The following RASGRP2 variants were observed in gnomAD, a reference collection of about 807,000 sequenced individuals.
The protein encoded by RASGRP2 is RAS guanyl-releasing protein 2.
Under a neutral mutation model 71.0 loss-of-function variants are expected in RASGRP2, and 44 were observed. The ratio of observed to expected loss-of-function variants is 0.62; its 90% CI spans 0.49 to 0.80. The LOEUF is 0.80. Among genes scored for constraint, RASGRP2 ranks in the 30% least tolerant of loss-of-function variants. RASGRP2 has a pLI of 0.00. For synonymous variants in RASGRP2, 350 were observed against 330.7 expected (o/e 1.06, Z -0.63); for missense variants, 663 against 813.4 (o/e 0.82, Z 2.25).
chr11:64,742,460 C>A lies in RASGRP2; in HGVS notation c.73+334G>T. On this transcript the variant is annotated intron_variant, in intron 2 of 16. Transcript: ENST00000394432. This position sits in a 1 kb window ranked among gnomAD's most constrained non-coding sequence, Gnocchi z 4.7. The stretch of plus-strand genomic sequence containing the variant: ...GGCACCCCTTCACCAGATAAGCCGC[C>A]CCCCATTAGCCGGAAACAGCTCCCA... 1.8e-6 allele frequency: 1 copy of A among 562,488 alleles called. No homozygotes were observed. The highest frequency in any genetic ancestry group is 3.0e-5 in the East Asian group (1 of 32,912). The allele number at this position is 562,488 out of a possible 1,614,324, so 34.8% of individuals were successfully genotyped here. A position where few individuals can be genotyped will look rare whatever the true frequency, so the allele number is the denominator to read the frequency against.
At chr11:64,738,073 T>C (rs2058005818) in intron 8 of RASGRP2, among the ~76,000 whole-genome samples, 1 of 151,808 alleles carries the variant, frequency 6.6e-6, no homozygotes, top group Non-Finnish European at 1.5e-5. Flanking sequence ...TGAATTGGGG[T>C]AGACGTACAA....
chr11:64,727,426 T>C, intron 15 of RASGRP2, 66 bp from the exon 16 acceptor site: 1 of 1,484,506 alleles, frequency 6.7e-7, no homozygotes, highest in East Asian at 2.3e-5. Context: ...ACCCTTCCCC[T>C]CTCCACGGGA....
At position 64,735,994 on chromosome 11, in the gene RASGRP2, A is replaced by C. The variant is rs1325355920; in HGVS notation, c.1096-14T>G. On this transcript the variant is annotated splice_polypyrimidine_tract_variant and intron_variant, in intron 9 of 16. Transcript: ENST00000394432. The surrounding 1 kb of genome is among the most constrained non-coding windows in gnomAD (Gnocchi z 4.2). ...ATCCAGAGACACCTGGGACACACAG[A>C]TCTGATCACCCCCACTGGCCCCTGC... 2 of 1,612,188 alleles carry C rather than the reference A, an allele frequency of 1.2e-6. No homozygotes were observed. Among genetic ancestry groups the C allele is most frequent in the Admixed American group, 3.3e-5 (2 of 59,958 alleles).
rs3725 is a variant in RASGRP2, at chr11:64,727,009, C to A, written c.*129G>T. 1 of 436,518 alleles carries A rather than the reference C, an allele frequency of 2.3e-6. No individual in the cohort carries two copies. Among genetic ancestry groups the A allele is most frequent in the Admixed American group, 3.4e-5 (1 of 29,038 alleles). The allele number at this position is 436,518 out of a possible 1,614,324, so 27.0% of individuals were successfully genotyped here. On this transcript the variant is annotated 3_prime_UTR_variant, in exon 17 of 17. Transcript: ENST00000394432. ...GGGACACCAGCCCTGGCCCTGCCCT[C>A]AGCTGCATGCCACCCTCATATCCCA...
rs551099201 is a variant in RASGRP2, at chr11:64,739,823, G to A, written c.523-14C>T. 5.0e-6 allele frequency: 8 copies of A among 1,613,446 alleles called. No individual in the cohort carries two copies. In the South Asian group the frequency reaches 7.7e-5, roughly 16 times the overall value. ...ATAGTCCTGAAACTGGGGGCATGAG[G>A]AGTGGCCTCAGCACCTTGCTGGCCT... On this transcript the variant is annotated splice_polypyrimidine_tract_variant and intron_variant, in intron 6 of 16. Transcript: ENST00000394432. The surrounding 1 kb of genome is among the most constrained non-coding windows in gnomAD (Gnocchi z 4.2).
Position 64,740,165 on chromosome 11 carries a change from T to TG in RASGRP2, c.372-3dup, listed in dbSNP as rs780634022. The stretch of plus-strand genomic sequence containing the variant: ...TGCCGCTTCCACTTGTAGGTAGGGC[T>TG]GGGGGGGCAGGGGTAGTGAGCCCTT... On this transcript the variant is annotated splice_region_variant and splice_polypyrimidine_tract_variant and intron_variant, in intron 5 of 16. Transcript: ENST00000394432. 4.5e-5 allele frequency: 72 copies of TG among 1,613,546 alleles called. No homozygotes were observed. The highest frequency in any genetic ancestry group is 4.2e-4 in the South Asian group (38 of 91,050).
chr11:64,741,816 G>A (rs1202193347), intron 3 of RASGRP2, among the ~76,000 whole-genome samples, 194 bp downstream of exon 3: 1 of 152,174 alleles, frequency 6.6e-6, no homozygotes, highest in African/African-American at 2.4e-5. Context: ...ACAGAGCCTG[G>A]GGACAGGACC....
upstream of RASGRP2, chr11:64,744,173 A>C: frequency 2.0e-6 from 2 of 986,226 alleles, no homozygotes; most frequent in Non-Finnish European, 2.4e-6. Flanking sequence ...TCCCACACAC[A>C]TGCACACACC....
At chr11:64,732,240 G>A (rs976222277) in intron 12 of RASGRP2, among the ~76,000 whole-genome samples, 1 of 152,264 alleles carries the variant, frequency 6.6e-6, no homozygotes, top group Non-Finnish European at 1.5e-5. Context: ...TTTAGGCCGG[G>A]TGCACAGTGG....
Position 64,735,903 on chromosome 11 carries a change from C to T in RASGRP2, c.1173G>A (p.Ser391=), listed in dbSNP as rs1197370008. The stretch of plus-strand genomic sequence containing the variant: ...TGGAGAGGAGGGAGTACCCCCTCAC[C>T]GAGGACTTGGAGCGCGGCTCCCGCT... The part of the protein sequence containing the change: ...SLQREPRSKS[S]PTSPTSCTPP... Residue 391 remains serine, a splice_region_variant and synonymous_variant, in exon 10 of 17, where the codon TCG becomes TCA. Coordinates refer to ENST00000394432, the MANE Select transcript of RASGRP2 (RefSeq NM_001098671.2). This position sits in a 1 kb window ranked among gnomAD's most constrained non-coding sequence, Gnocchi z 4.2. The T allele has an allele frequency of 9.9e-6, 16 of 1,613,492 alleles. No homozygotes were observed. Among genetic ancestry groups the T allele is most frequent in the South Asian group, 4.4e-5 (4 of 90,982 alleles).
In RASGRP2 at chr11:64,728,934, ATGGGTG is replaced by A; in HGVS notation, c.1694_1699del (p.Ser565_Met567delinsLeu). On this transcript the variant is annotated inframe_deletion, in exon 15 of 17. Coordinates refer to ENST00000394432, the MANE Select transcript of RASGRP2 (RefSeq NM_001098671.2). ...GAAGGCGCGGTGATGGTGGCTGTGC[ATGGGTG>A]AGGGTGAGGGTGCAGACCCCTCCAG... 1 of 1,613,118 alleles carries A rather than the reference ATGGGTG, an allele frequency of 6.2e-7. No homozygotes were observed. The highest frequency in any genetic ancestry group is 8.5e-7 in the Non-Finnish European group (1 of 1,179,946).
At position 64,735,916 on chromosome 11, in the gene RASGRP2, C is replaced by T. The variant is rs1431038254; in HGVS notation, c.1160G>A (p.Arg387His). Reference protein sequence around the residue: ...LYQLSLQREPRSKSSPTSPTS... With the variant: ...LYQLSLQREPHSKSSPTSPTS... ...GTACCCCCTCACCGAGGACTTGGAGCGCGGCTCCCGCTGCAGGGACAGCTG... is the reference window on the plus strand; with the variant it reads ...GTACCCCCTCACCGAGGACTTGGAGTGCGGCTCCCGCTGCAGGGACAGCTG... Residue 387 changes from arginine (R) to histidine (H), a missense_variant, in exon 10 of 17, where the codon CGC (arginine) becomes CAC (histidine). Coordinates refer to ENST00000394432, the MANE Select transcript of RASGRP2 (RefSeq NM_001098671.2). This position sits in a 1 kb window ranked among gnomAD's most constrained non-coding sequence, Gnocchi z 4.2. The T allele has an allele frequency of 6.2e-6, 10 of 1,613,714 alleles. No individual in the cohort carries two copies. Among genetic ancestry groups the T allele is most frequent in the Admixed American group, 3.3e-5 (2 of 59,982 alleles).
In RASGRP2 at chr11:64,742,414, C is replaced by G. The variant is rs964334578; in HGVS notation, c.74-302G>C. The G allele has an allele frequency of 3.5e-6, 2 of 568,300 alleles. No individual in the cohort carries two copies. Among genetic ancestry groups the G allele is most frequent in the Non-Finnish European group, 6.3e-6 (2 of 316,554 alleles). 35.2% of individuals were successfully genotyped at this position (568,300 alleles called of 1,614,324 possible). ...GGGGTCAAGAATCCAGAGGTCATTT[C>G]CTGAGCGCTTGGGGGGAAGGGGCAC... On this transcript the variant is annotated intron_variant, in intron 2 of 16. Transcript: ENST00000394432. The surrounding 1 kb of genome is among the most constrained non-coding windows in gnomAD (Gnocchi z 4.7).
chr11:64,739,798 A>G lies in RASGRP2; in HGVS notation c.534T>C (p.Tyr178=). The change falls in exon 7 of 17, where the codon TAT becomes TAC. Residue 178 remains tyrosine (Y), a synonymous_variant. Coordinates refer to ENST00000394432, the MANE Select transcript of RASGRP2 (RefSeq NM_001098671.2). This position sits in a 1 kb window ranked among gnomAD's most constrained non-coding sequence, Gnocchi z 4.2. Reference sequence around the variant, plus strand: ...TGCAGCCATGAGTCACGAAACTGTGATAGTCCTGAAACTGGGGGCATGAGG... The same window carrying G: ...TGCAGCCATGAGTCACGAAACTGTGGTAGTCCTGAAACTGGGGGCATGAGG... ...RSFCKILFQD[Y]HSFVTHGCTV... is the part of the protein sequence containing the mutation. 6.2e-7 allele frequency: 1 copy of G among 1,613,800 alleles called. No individual in the cohort carries two copies. The highest frequency in any genetic ancestry group is 1.1e-5 in the South Asian group (1 of 91,074).
At chr11:64,727,535 CAG>C (rs2057609030) in intron 15 of RASGRP2, among the ~76,000 whole-genome samples, 175 bp from the exon 16 acceptor site, 2 of 118,870 alleles carry the variant, frequency 1.7e-5, no homozygotes, top group African/African-American at 6.5e-5. Context: ...TTTTTTGAGA[CAG>C]AGTCTCTCTC....
intron 12 of RASGRP2, among the ~76,000 whole-genome samples, chr11:64,732,236 C>A (rs2057785918): frequency 6.6e-6 from 1 of 152,196 alleles, no homozygotes; most frequent in Non-Finnish European, 1.5e-5. Flanking sequence ...GATTTTTAGG[C>A]CGGGTGCACA....
chr11:64,736,135 C>T lies in RASGRP2; in HGVS notation c.1096-155G>A, dbSNP rs147269372. On this transcript the variant is annotated intron_variant, in intron 9 of 16. Coordinates refer to ENST00000394432, the MANE Select transcript of RASGRP2 (RefSeq NM_001098671.2). ...TGGCTTAGAACACAGCACAGCAACCCCCATGTCATCCCAGCGCACAGATCA... is the reference window on the plus strand; with the variant it reads ...TGGCTTAGAACACAGCACAGCAACCTCCATGTCATCCCAGCGCACAGATCA... Among the ~76,000 whole-genome samples the T allele has an allele frequency of 4.6e-4, 70 of 152,250 alleles. No homozygotes were observed. In the Middle Eastern group the frequency reaches 0.01, roughly 22 times the overall value.
At position 64,742,437 on chromosome 11, in the gene RASGRP2, C is replaced by A; in HGVS notation, c.74-325G>T. ...TTCCTGAGCGCTTGGGGGGAAGGGG[C>A]ACCCCTTCACCAGATAAGCCGCCCC... On this transcript the variant is annotated intron_variant, in intron 2 of 16. Coordinates refer to ENST00000394432, the MANE Select transcript of RASGRP2 (RefSeq NM_001098671.2). This position sits in a 1 kb window ranked among gnomAD's most constrained non-coding sequence, Gnocchi z 4.7. 1.8e-6 allele frequency: 1 copy of A among 560,558 alleles called. No homozygotes were observed. Among genetic ancestry groups the A allele is most frequent in the East Asian group, 3.0e-5 (1 of 32,882 alleles). 34.7% of individuals were successfully genotyped at this position (560,558 alleles called of 1,614,324 possible).
chr11:64,730,335 C>A, intron 12 of RASGRP2, 141 bp from the exon 13 acceptor site: 2 of 1,084,382 alleles, frequency 1.8e-6, no homozygotes, highest in Non-Finnish European at 2.7e-6. Flanking sequence ...AAAGGCGGCA[C>A]TGGACTAGGG....
Sources: allele counts gnomAD v4.1 joint callset (sites outside exome capture counted in the v4.1 genomes callset), GRCh38; gene constraint gnomAD v4.1.1; non-coding constraint Gnocchi (gnomAD v3.1); transcripts MANE v1.5; gene names NCBI Gene and HGNC (gene_info 2026-07-23, HGNC 2026-07-21).